The following MGMT variants were observed in gnomAD, a reference collection of about 807,000 sequenced individuals.
The protein encoded by MGMT is methylated-DNA--protein-cysteine methyltransferase.
MGMT carries 14 observed loss-of-function variants against 15.9 expected under a neutral mutation model. The ratio of observed to expected loss-of-function variants is 0.88; its 90% CI spans 0.58 to 1.37. The LOEUF (loss-of-function observed/expected upper bound fraction) is 1.37. MGMT is among the 40% of genes most tolerant of loss of function. The pLI is 0.00. For synonymous variants in MGMT, 130 were observed against 118.2 expected (o/e 1.10, Z -0.65); for missense variants, 282 against 268.1 (o/e 1.05, Z -0.36).
rs191589750 is a variant in MGMT, at chr10:129,511,359, G to A, written c.-12-24882G>A. On this transcript the variant is annotated intron_variant, in intron 1 of 4. Coordinates refer to ENST00000651593, the MANE Select transcript of MGMT (RefSeq NM_002412.5). ...ACCATCTGCAGCCAGACACAGACATGTGCTTCCTGTAATGGGAACCCGTAT... is the reference window on the plus strand; with the variant it reads ...ACCATCTGCAGCCAGACACAGACATATGCTTCCTGTAATGGGAACCCGTAT... Among the ~76,000 whole-genome samples, 205 of 149,250 alleles carry A rather than the reference G, an allele frequency of 1.4e-3. 1 individual carries two copies. Among genetic ancestry groups the A allele is most frequent in the African/African-American group, 4.3e-3 (171 of 40,178 alleles).
At chr10:129,666,864 G>T (rs1169918871) in intron 2 of MGMT, among the ~76,000 whole-genome samples, 2 of 152,210 alleles carry the variant, frequency 1.3e-5, no homozygotes, top group Admixed American at 1.3e-4. Flanking sequence ...ACATAAGATG[G>T]TAATTAACAG....
intron 2 of MGMT, among the ~76,000 whole-genome samples, chr10:129,635,428 G>T (rs563346878): frequency 6.6e-6 from 1 of 152,306 alleles, no homozygotes; most frequent in Admixed American, 6.5e-5. Flanking sequence ...CAGGGCAGTC[G>T]CAGCCTTTTC....
intron 1 of MGMT, among the ~76,000 whole-genome samples, chr10:129,506,807 A>G (rs1327312557): frequency 1.3e-5 from 2 of 152,098 alleles, no homozygotes; most frequent in East Asian, 3.8e-4. Context: ...TACCCCCTTT[A>G]AACTCCTAAC....
chr10:129,759,128 G>A lies in MGMT; in HGVS notation c.275-74G>A, dbSNP rs563072984. ...TGTGTAGATGCGTTTCCTGTTTTGG[G>A]ACTAGTGGCTATTTATATCAGAGCT... On this transcript the variant is annotated intron_variant, in intron 3 of 4. Transcript: ENST00000651593. 23 of 1,557,030 alleles carry A rather than the reference G, an allele frequency of 1.5e-5. No individual in the cohort carries two copies. The South Asian group carries it at 2.6e-4, about 17-fold the overall frequency.
chr10:129,569,349 G>A (rs537725255), intron 2 of MGMT, among the ~76,000 whole-genome samples: 28 of 152,276 alleles, frequency 1.8e-4, no homozygotes, highest in Admixed American at 1.3e-3. Context: ...TCCTGTTTAC[G>A]GCTAGCCTGC....
At chr10:129,657,729 C>CACACACACACA (rs1564750921) in intron 2 of MGMT, among the ~76,000 whole-genome samples, 2,633 of 122,202 alleles carry the variant, frequency 0.022, 119 homozygotes, top group East Asian at 0.034. Flanking sequence ...ACACACACAC[C>CACACACACACA]CCCTCTCCCC....
chr10:129,756,561 C>T (rs1338196873), intron 3 of MGMT, among the ~76,000 whole-genome samples: 1 of 152,212 alleles, frequency 6.6e-6, no homozygotes, highest in Non-Finnish European at 1.5e-5. Context: ...CCTCTGCCTC[C>T]CGGGTTCAAG....
At chr10:129,663,454 G>A (rs1471671099) in intron 2 of MGMT, among the ~76,000 whole-genome samples, 1 of 151,522 alleles carries the variant, frequency 6.6e-6, no homozygotes, top group Non-Finnish European at 1.5e-5. Context: ...TAAAAGGGAA[G>A]CCAAAAAAGT....
intron 2 of MGMT, among the ~76,000 whole-genome samples, chr10:129,683,963 AAG>A (rs1847879868): frequency 6.6e-6 from 1 of 152,158 alleles, no homozygotes; most frequent in Non-Finnish European, 1.5e-5. Flanking sequence ...ATCATCACAA[AAG>A]GACCCTGGCT....
chr10:129,708,870 T>C (rs567637064), intron 3 of MGMT, among the ~76,000 whole-genome samples: 1 of 152,350 alleles, frequency 6.6e-6, no homozygotes, highest in African/African-American at 2.4e-5. Context: ...AGATCAGATT[T>C]GCTGGGTAAG....
rs187119830 is a variant in MGMT at position 129,637,633 on chromosome 10, G to A, written c.126-70262G>A. On this transcript the variant is annotated intron_variant, in intron 2 of 4. Coordinates refer to ENST00000651593, the MANE Select transcript of MGMT (RefSeq NM_002412.5). Reference sequence around the variant, plus strand: ...GCCCTAGCCCTCAGTACGTCGGAGCGTGACTGTATTTGGAGATGGGGCCTT... The same window carrying A: ...GCCCTAGCCCTCAGTACGTCGGAGCATGACTGTATTTGGAGATGGGGCCTT... Among the ~76,000 whole-genome samples, 822 of 152,250 alleles carry A rather than the reference G, an allele frequency of 5.4e-3. 5 individuals carry two copies. Among genetic ancestry groups the A allele is most frequent in the Non-Finnish European group, 8.7e-3 (595 of 68,022 alleles).
At chr10:129,707,452 A>G (rs1389277883) in intron 2 of MGMT, among the ~76,000 whole-genome samples, 1 of 152,002 alleles carries the variant, frequency 6.6e-6, no homozygotes, top group Non-Finnish European at 1.5e-5. Context: ...TCCCCTGAAC[A>G]CAGCACACGG....
chr10:129,540,884 T>C (rs1328861109), intron 2 of MGMT, among the ~76,000 whole-genome samples: 2 of 152,232 alleles, frequency 1.3e-5, no homozygotes, highest in African/African-American at 2.4e-5. Context: ...CTCGGGGTGC[T>C]CCCACCTGGA....
intron 3 of MGMT, among the ~76,000 whole-genome samples, chr10:129,748,277 G>C (rs12359181): frequency 0.086 from 13,137 of 152,122 alleles, 811 homozygotes; most frequent in Non-Finnish European, 0.13. Context: ...GATATTTTGG[G>C]TTGTCTTCCA....
intron 2 of MGMT, among the ~76,000 whole-genome samples, chr10:129,636,044 T>C (rs557344447): frequency 6.6e-6 from 1 of 152,348 alleles, no homozygotes; most frequent in African/African-American, 2.4e-5. Flanking sequence ...AAAGATAGAA[T>C]GTGGTTTTCT....
At chr10:129,636,294 C>G (rs1847264295) in intron 2 of MGMT, among the ~76,000 whole-genome samples, 1 of 152,230 alleles carries the variant, frequency 6.6e-6, no homozygotes, top group Admixed American at 6.5e-5. Context: ...GACACCCCCT[C>G]AGGACTGCTG....
At chr10:129,766,460 G>T (rs150733276) in intron 4 of MGMT, among the ~76,000 whole-genome samples, 3 of 152,184 alleles carry the variant, frequency 2.0e-5, no homozygotes, top group African/African-American at 7.2e-5. Flanking sequence ...TTTTGTAAGC[G>T]AACGTTGTAT....
intron 4 of MGMT, among the ~76,000 whole-genome samples, chr10:129,763,392 G>T (rs1326353239): frequency 6.6e-6 from 1 of 152,072 alleles, no homozygotes; most frequent in South Asian, 2.1e-4. Flanking sequence ...TATTTCTAAC[G>T]GTAAAAATAG....
chr10:129,517,771 A>G (rs1342045443), intron 1 of MGMT, among the ~76,000 whole-genome samples: 7 of 110,238 alleles, frequency 6.3e-5, no homozygotes, highest in Non-Finnish European at 3.4e-5. Context: ...CCACACCCTG[A>G]CTCCAAACCC....
Sources: gnomAD v4.1 joint callset for allele counts (sites outside exome capture counted in the v4.1 genomes callset) on GRCh38, gnomAD v4.1.1 for gene constraint, MANE v1.5 for transcripts, NCBI Gene and HGNC (gene_info 2026-07-23, HGNC 2026-07-21) for gene names.